Variants in TAF4B observed in about 807,000 individuals in gnomAD.
TAF4B encodes TATA-box binding protein associated factor 4b.
In TAF4B, 38 loss-of-function variants were observed where a neutral mutation model predicts 86.4. That is an observed-to-expected ratio of 0.44 (90% CI 0.34 to 0.58). TAF4B has a LOEUF of 0.58. Among genes scored for constraint, TAF4B ranks in the 20% least tolerant of loss-of-function variants. The probability of loss-of-function intolerance (pLI) is 0.02; values close to 1 mark genes in which losing one functional copy is unlikely to be tolerated. For missense variants in TAF4B, 988 were observed against 1,027.6 expected, an observed-to-expected ratio of 0.96 and a Z score of 0.53; for synonymous variants, 388 against 391.2, an observed-to-expected ratio of 0.99 and a Z score of 0.10.
intron 12 of TAF4B, among the ~76,000 whole-genome samples, chr18:26,331,530 C>T (rs2057050351): frequency 6.6e-6 from 1 of 152,146 alleles, no homozygotes. Context: ...ATGTCCAAAA[C>T]AGCTCCTGTT....
At chr18:26,358,204 TTC>T (rs773877237) in intron 14 of TAF4B, among the ~76,000 whole-genome samples, 15 of 152,232 alleles carry the variant, frequency 9.9e-5, no homozygotes, top group Non-Finnish European at 2.1e-4. Flanking sequence ...CCATACCAGC[TTC>T]TCTTTTTCTG....
intron 14 of TAF4B, among the ~76,000 whole-genome samples, chr18:26,379,354 G>T (rs1455180204): frequency 6.6e-6 from 1 of 152,000 alleles, no homozygotes; most frequent in Non-Finnish European, 1.5e-5. Context: ...ATAGGTCTTT[G>T]ATCTATCTTG....
chr18:26,232,727 A>G (rs574727514), intron 1 of TAF4B, among the ~76,000 whole-genome samples: 5 of 152,334 alleles, frequency 3.3e-5, no homozygotes, highest in Admixed American at 6.5e-5. Context: ...CTCAGCAGTG[A>G]GGAGGTCTAG....
chr18:26,242,521 G>A (rs1403178657), intron 1 of TAF4B, among the ~76,000 whole-genome samples: 1 of 152,064 alleles, frequency 6.6e-6, no homozygotes, highest in African/African-American at 2.4e-5. Flanking sequence ...ACACTGATGG[G>A]TCTTGACTCT....
chr18:26,293,985 T>A lies in TAF4B; in HGVS notation c.1832+454T>A, dbSNP rs147814811. ...ATTTGGAATATTAGACGATGGTTCTTTTGCATTGCTGGGAAGCATTTTATT... is the reference window on the plus strand; with the variant it reads ...ATTTGGAATATTAGACGATGGTTCTATTGCATTGCTGGGAAGCATTTTATT... On this transcript the variant is annotated intron_variant, in intron 9 of 14. Transcript: ENST00000269142. Among the ~76,000 whole-genome samples the A allele has an allele frequency of 7.3e-3, 1,116 of 152,310 alleles. 3 individuals are homozygous for A. Among genetic ancestry groups the A allele is most frequent in the Middle Eastern group, 0.027 (8 of 294 alleles).
chr18:26,316,108 G>A (rs982100037), intron 10 of TAF4B, among the ~76,000 whole-genome samples: 20 of 152,106 alleles, frequency 1.3e-4, no homozygotes, highest in African/African-American at 4.8e-4. Flanking sequence ...GGGAGGCTGA[G>A]GCATGAGAAT....
chr18:26,332,237 A>ATC (rs1282864671), intron 12 of TAF4B, among the ~76,000 whole-genome samples: 1 of 152,154 alleles, frequency 6.6e-6, no homozygotes, highest in Non-Finnish European at 1.5e-5. Context: ...CCGGCAGCAA[A>ATC]TCTGATCAAC....
intron 12 of TAF4B, among the ~76,000 whole-genome samples, chr18:26,327,715 G>A (rs990089504): frequency 4.6e-5 from 7 of 152,102 alleles, no homozygotes; most frequent in Non-Finnish European, 1.0e-4. Context: ...GACTACAGGT[G>A]CCTGCCACCA....
chr18:26,390,079 T>A lies in TAF4B; in HGVS notation c.*67T>A, dbSNP rs1305340793. On this transcript the variant is annotated 3_prime_UTR_variant, in exon 15 of 15. Coordinates refer to ENST00000269142, the MANE Select transcript of TAF4B (RefSeq NM_005640.3). ...AAGAAGACACAAAGCATTGTTGCAC[T>A]GTCCTGAAATTTCAATTTCTGGAAA... 3 of 1,464,750 alleles carry A rather than the reference T, an allele frequency of 2.0e-6. No homozygotes were observed. Among genetic ancestry groups the A allele is most frequent in the Non-Finnish European group, 2.7e-6 (3 of 1,092,488 alleles). 90.7% of individuals were successfully genotyped at this position (1,464,750 alleles called of 1,614,324 possible). A position where few individuals can be genotyped will look rare whatever the true frequency, so the allele number is the denominator to read the frequency against.
At chr18:26,251,476 T>C (rs1371898523) in intron 1 of TAF4B, among the ~76,000 whole-genome samples, 1 of 152,060 alleles carries the variant, frequency 6.6e-6, no homozygotes, top group East Asian at 1.9e-4. Flanking sequence ...TTTTTGGATG[T>C]TGGGATGTAG....
At chr18:26,365,002 C>CTTTTT (rs1236686001) in intron 14 of TAF4B, among the ~76,000 whole-genome samples, 495 of 108,946 alleles carry the variant, frequency 4.5e-3, no homozygotes, top group Non-Finnish European at 6.2e-3. Flanking sequence ...TAATTCTATT[C>CTTTTT]TTTTTTTTTT....
rs556918726 is a variant in TAF4B, at chr18:26,338,459, AAAG to A, written c.2316+3231_2316+3233del. Among the ~76,000 whole-genome samples, 87 of 146,220 alleles carry A rather than the reference AAAG, an allele frequency of 5.9e-4. 1 individual carries two copies. Among genetic ancestry groups the A allele is most frequent in the African/African-American group, 2.1e-3 (82 of 39,980 alleles). The stretch of plus-strand genomic sequence containing the variant: ...CAGAGTGAGACTCTGTCTCAGAAAA[AAAG>A]AACTAGAATTTTTTTTTTTTTTTTT... On this transcript the variant is annotated intron_variant, in intron 13 of 14. Transcript: ENST00000269142.
intron 8 of TAF4B, among the ~76,000 whole-genome samples, chr18:26,292,733 G>A (rs1490919432): frequency 6.6e-6 from 1 of 152,130 alleles, no homozygotes; most frequent in East Asian, 1.9e-4. Context: ...ATGTTGGCCA[G>A]GCTGGTCTCA....
chr18:26,351,575 CTG>C (rs1269555406), intron 13 of TAF4B, among the ~76,000 whole-genome samples: 1 of 152,162 alleles, frequency 6.6e-6, no homozygotes, highest in Non-Finnish European at 1.5e-5. Flanking sequence ...CATCTGATCA[CTG>C]TGTATGTATT....
At chr18:26,349,526 A>G (rs2057227368) in intron 13 of TAF4B, among the ~76,000 whole-genome samples, 1 of 152,210 alleles carries the variant, frequency 6.6e-6, no homozygotes, top group Non-Finnish European at 1.5e-5. Context: ...AAGGAAAATT[A>G]TAAAACGCTA....
At chr18:26,358,437 G>A (rs546462804) in intron 14 of TAF4B, among the ~76,000 whole-genome samples, 4 of 152,314 alleles carry the variant, frequency 2.6e-5, no homozygotes, top group South Asian at 2.1e-4. Context: ...AGGGCCGGGC[G>A]AGGTGGCTCA....
At chr18:26,255,915 A>G (rs2056077146) in intron 1 of TAF4B, 10 of 1,233,590 alleles carry the variant, frequency 8.1e-6, no homozygotes, top group Non-Finnish European at 1.2e-5. Flanking sequence ...ACCAGAAGCC[A>G]TCTCTGTATC....
At chr18:26,287,472 CTGTT>C (rs1463122980) in intron 7 of TAF4B, among the ~76,000 whole-genome samples, 1 of 152,070 alleles carries the variant, frequency 6.6e-6, no homozygotes, top group Non-Finnish European at 1.5e-5. Flanking sequence ...GAAATTTTAG[CTGTT>C]TGTCGATTAG....
intron 14 of TAF4B, among the ~76,000 whole-genome samples, chr18:26,375,850 C>T (rs551348737): frequency 6.6e-6 from 1 of 152,264 alleles, no homozygotes; most frequent in East Asian, 1.9e-4. Context: ...CTTACATTTA[C>T]ATCTTTGATC....
Sources: allele counts gnomAD v4.1 joint callset (sites outside exome capture counted in the v4.1 genomes callset), GRCh38; gene constraint gnomAD v4.1.1; transcripts MANE v1.5; gene names NCBI Gene and HGNC (gene_info 2026-07-23, HGNC 2026-07-21).